The following KCNQ3 variants were observed in gnomAD, a reference collection of about 807,000 sequenced individuals.
KCNQ3 encodes potassium voltage-gated channel subfamily Q member 3, also known as potassium voltage-gated channel subfamily KQT member 3.
In KCNQ3, 30 loss-of-function variants were observed where a neutral mutation model predicts 92.5. The ratio of observed to expected loss-of-function variants is 0.32; its 90% CI spans 0.24 to 0.44. KCNQ3 has a LOEUF of 0.44. Among genes scored for constraint, KCNQ3 ranks in the 20% least tolerant of loss-of-function variants. The probability of loss-of-function intolerance (pLI) is 1.00; values close to 1 mark genes in which losing one functional copy is unlikely to be tolerated. For missense variants in KCNQ3, 913 were observed against 1,140.3 expected, an observed-to-expected ratio of 0.80 and a Z score of 2.87; for synonymous variants, 450 against 468.8, an observed-to-expected ratio of 0.96 and a Z score of 0.52.
chr8:132,256,763 CAAAA>C (rs1815602159), intron 1 of KCNQ3, among the ~76,000 whole-genome samples: 1 of 152,016 alleles, frequency 6.6e-6, no homozygotes, highest in African/African-American at 2.4e-5. Flanking sequence ...AACTATTCTT[CAAAA>C]ATGAAAGAGA....
chr8:132,273,612 C>A (rs1816232428), intron 1 of KCNQ3, among the ~76,000 whole-genome samples: 1 of 152,206 alleles, frequency 6.6e-6, no homozygotes. Flanking sequence ...TGAATTTCTC[C>A]TCAGAAAATG....
At chr8:132,370,429 T>C (rs1477151988) in intron 1 of KCNQ3, among the ~76,000 whole-genome samples, 1 of 152,196 alleles carries the variant, frequency 6.6e-6, no homozygotes, top group Non-Finnish European at 1.5e-5. Flanking sequence ...GATGCTTGCC[T>C]GGGGGTGAGT....
intron 1 of KCNQ3, among the ~76,000 whole-genome samples, chr8:132,341,940 C>G (rs1021842109): frequency 6.6e-6 from 1 of 152,226 alleles, no homozygotes; most frequent in East Asian, 1.9e-4. Flanking sequence ...TTTGTCCACA[C>G]AGCTCTTTCT....
intron 1 of KCNQ3, among the ~76,000 whole-genome samples, chr8:132,202,079 C>T (rs972118095): frequency 1.3e-5 from 2 of 152,112 alleles, no homozygotes; most frequent in African/African-American, 4.8e-5. Context: ...TGAGCCACAA[C>T]TTGTTGACCC....
chr8:132,347,478 G>A (rs1488489138), intron 1 of KCNQ3, among the ~76,000 whole-genome samples: 3 of 152,100 alleles, frequency 2.0e-5, no homozygotes, highest in African/African-American at 7.2e-5. Context: ...TGCTAGCGGG[G>A]GAGGGAGTAA....
At chr8:132,139,391 G>A (rs551270593) in intron 11 of KCNQ3, among the ~76,000 whole-genome samples, 8 of 151,912 alleles carry the variant, frequency 5.3e-5, no homozygotes, top group Admixed American at 4.6e-4. Flanking sequence ...CCAAGGCTTT[G>A]CTGAGGTCTA....
intron 7 of KCNQ3, 91 bp downstream of exon 7, chr8:132,172,507 A>T: frequency 8.7e-7 from 1 of 1,151,138 alleles, no homozygotes; most frequent in African/African-American, 1.5e-5. Flanking sequence ...TCCCCTCCAC[A>T]TGTGCACACA....
chr8:132,282,489 C>T (rs988044842), intron 1 of KCNQ3, among the ~76,000 whole-genome samples: 1 of 152,142 alleles, frequency 6.6e-6, no homozygotes, highest in African/African-American at 2.4e-5. Flanking sequence ...CCAGCATCTC[C>T]TAGGCTCCCT....
rs561131698 is a variant in KCNQ3, at chr8:132,337,440, A to T, written c.386+142707T>A. Among the ~76,000 whole-genome samples, 4 of 152,244 alleles carry T rather than the reference A, an allele frequency of 2.6e-5. No homozygotes were observed. In the South Asian group the frequency reaches 8.3e-4, roughly 32 times the overall value. ...TGAGCCCAAGGAGGTCGAGGTTGCA[A>T]TAAGCCATGATTGTGATCGTATCAC... is the stretch of plus-strand genomic sequence containing the variant. On this transcript the variant is annotated intron_variant, in intron 1 of 14. Coordinates refer to ENST00000388996, the MANE Select transcript of KCNQ3 (RefSeq NM_004519.4).
intron 1 of KCNQ3, among the ~76,000 whole-genome samples, chr8:132,270,872 A>T (rs1286981104): frequency 9.2e-5 from 14 of 152,214 alleles, no homozygotes; most frequent in Admixed American, 9.2e-4. Context: ...TGTATTTGGG[A>T]TGGGGCCCAG....
At chr8:132,408,047 A>T (rs1276702225) in intron 1 of KCNQ3, among the ~76,000 whole-genome samples, 2 of 152,200 alleles carry the variant, frequency 1.3e-5, no homozygotes, top group African/African-American at 4.8e-5. Flanking sequence ...TTACTAGTTT[A>T]TTACTGACTC....
chr8:132,455,022 G>T (rs1821907234), intron 1 of KCNQ3, among the ~76,000 whole-genome samples: 1 of 152,176 alleles, frequency 6.6e-6, no homozygotes, highest in East Asian at 1.9e-4. Context: ...GGGAGAGGGG[G>T]AAGTAGTGAG....
At position 132,126,573 on chromosome 8, in the gene KCNQ3, T is replaced by C. The variant is rs1824675653; in HGVS notation, c.*2689A>G. The C allele has an allele frequency of 6.6e-6, 1 of 152,182 alleles. No individual in the cohort carries two copies. The highest frequency in any genetic ancestry group is 1.5e-5 in the Non-Finnish European group (1 of 68,044). 9.4% of individuals were successfully genotyped at this position (152,182 alleles called of 1,614,324 possible). ...AACAGCTCTTAAGGTTCTTATTATT[T>C]ATTCATTCATAAAACATGTATTTTG... On this transcript the variant is annotated 3_prime_UTR_variant, in exon 15 of 15. Transcript: ENST00000388996.
chr8:132,368,656 A>G (rs1819388058), intron 1 of KCNQ3, among the ~76,000 whole-genome samples: 2 of 152,180 alleles, frequency 1.3e-5, no homozygotes, highest in South Asian at 4.1e-4. Context: ...CTGTCTCAAA[A>G]AAAAAGAAAA....
chr8:132,232,577 C>T (rs974503734), intron 1 of KCNQ3, among the ~76,000 whole-genome samples: 10 of 152,182 alleles, frequency 6.6e-5, no homozygotes, highest in Non-Finnish European at 1.5e-4. Context: ...ATTTGAACAA[C>T]TAACACAGTG....
At chr8:132,262,510 G>A (rs2130474138) in intron 1 of KCNQ3, among the ~76,000 whole-genome samples, 1 of 152,276 alleles carries the variant, frequency 6.6e-6, no homozygotes, top group South Asian at 2.1e-4. Flanking sequence ...AGAAACCTCT[G>A]AGCTGAGCGG....
intron 1 of KCNQ3, among the ~76,000 whole-genome samples, chr8:132,448,676 G>A (rs186100941): frequency 6.6e-6 from 1 of 152,202 alleles, no homozygotes; most frequent in Admixed American, 6.5e-5. Flanking sequence ...TATTATTTGC[G>A]TTTCTATCTT....
At chr8:132,401,684 CTT>C (rs961219351) in intron 1 of KCNQ3, among the ~76,000 whole-genome samples, 1 of 152,118 alleles carries the variant, frequency 6.6e-6, no homozygotes, top group African/African-American at 2.4e-5. Context: ...AAATAGAACA[CTT>C]TTAACTGCAA....
chr8:132,140,469 C>A (rs1258437790), intron 10 of KCNQ3: 2 of 389,944 alleles, frequency 5.1e-6, no homozygotes, highest in Non-Finnish European at 9.3e-6. Flanking sequence ...CAGAGTGGCC[C>A]CCAGAGCCAG....
Sources: gnomAD v4.1 joint callset for allele counts (sites outside exome capture counted in the v4.1 genomes callset) on GRCh38, gnomAD v4.1.1 for gene constraint, MANE v1.5 for transcripts, NCBI Gene and HGNC (gene_info 2026-07-23, HGNC 2026-07-21) for gene names.